GALK2: variants seen among roughly 807,000 people sequenced by gnomAD.
The protein encoded by GALK2 is N-acetylgalactosamine kinase.
A neutral mutation model predicts 52.4 loss-of-function variants in GALK2; 36 were observed. The ratio of observed to expected loss-of-function variants is 0.69; its 90% CI spans 0.53 to 0.91. The LOEUF is 0.91. Among genes scored for constraint, GALK2 ranks in the 40% least tolerant of loss-of-function variants. The pLI is 0.00. For missense variants in GALK2, 579 were observed against 559.1 expected (o/e 1.04, Z -0.36); for synonymous variants, 176 against 199.1 (o/e 0.88, Z 0.98).
chr15:49,269,550 C>T (rs923520266), intron 5 of GALK2, among the ~76,000 whole-genome samples: 1 of 152,200 alleles, frequency 6.6e-6, no homozygotes, highest in African/African-American at 2.4e-5. Flanking sequence ...AGCATTTCTA[C>T]ATACATTTTC....
At chr15:49,353,090 C>T (rs754418295) in intron 3 of GALK2, among the ~76,000 whole-genome samples, 12 of 152,090 alleles carry the variant, frequency 7.9e-5, no homozygotes, top group Non-Finnish European at 1.6e-4. Context: ...GAAATGAGAA[C>T]GTCATCATTT....
At chr15:49,353,032 T>A (rs1434966608) in intron 3 of GALK2, among the ~76,000 whole-genome samples, 1 of 152,218 alleles carries the variant, frequency 6.6e-6, no homozygotes, top group Non-Finnish European at 1.5e-5. Flanking sequence ...CTAAGCATTC[T>A]TTCTCTTAGT....
intron 1 of GALK2, chr15:49,198,773 T>A (rs979689655): frequency 1.3e-5 from 2 of 152,106 alleles, no homozygotes; most frequent in Admixed American, 1.3e-4. Context: ...ATCTTAGTTT[T>A]GGTGGCTCCC....
chr15:49,248,629 T>A (rs1224265855), intron 5 of GALK2, among the ~76,000 whole-genome samples: 7 of 152,178 alleles, frequency 4.6e-5, no homozygotes, highest in African/African-American at 7.2e-5. Flanking sequence ...ATTCACGTAG[T>A]TTTGTCAATT....
chr15:49,292,276 C>T, intron 7 of GALK2, 51 bp from the exon 8 acceptor site: 1 of 1,497,372 alleles, frequency 6.7e-7, no homozygotes, highest in East Asian at 2.3e-5. Flanking sequence ...TAAAATAGTA[C>T]ACATCAAATT....
At chr15:49,202,313 C>A (rs2087852151) in intron 2 of GALK2, among the ~76,000 whole-genome samples, 1 of 152,114 alleles carries the variant, frequency 6.6e-6, no homozygotes, top group Non-Finnish European at 1.5e-5. Context: ...CCTCTTGTGT[C>A]TGTTAACTGA....
chr15:49,346,145 A>G (rs1337746691), intron 3 of GALK2, among the ~76,000 whole-genome samples: 1 of 151,532 alleles, frequency 6.6e-6, no homozygotes, highest in Non-Finnish European at 1.5e-5. Flanking sequence ...TACCATCCAT[A>G]GTTCACCAAA....
intron 1 of GALK2, chr15:49,156,069 G>T: frequency 6.3e-7 from 1 of 1,585,608 alleles, no homozygotes; most frequent in Non-Finnish European, 8.7e-7. Flanking sequence ...CATTGCGGTG[G>T]GTGTTCCTAA....
intron 1 of GALK2, among the ~76,000 whole-genome samples, chr15:49,161,310 C>T (rs1171516714): frequency 6.6e-6 from 1 of 152,182 alleles, no homozygotes; most frequent in East Asian, 1.9e-4. Flanking sequence ...AAAAGGTCTT[C>T]ACTGTGCTGA....
chr15:49,172,019 C>T (rs1376959535), intron 1 of GALK2, among the ~76,000 whole-genome samples: 1 of 152,128 alleles, frequency 6.6e-6, no homozygotes, highest in Non-Finnish European at 1.5e-5. Flanking sequence ...GTGATCCGCC[C>T]GTCTCAGCCT....
chr15:49,166,667 G>A (rs1364205474), upstream of GALK2, among the ~76,000 whole-genome samples: 4 of 152,058 alleles, frequency 2.6e-5, no homozygotes, highest in East Asian at 1.9e-4. Context: ...CCGAGATCGC[G>A]CCATTGCACT....
At chr15:49,220,877 T>A (rs2141401304) in intron 3 of GALK2, among the ~76,000 whole-genome samples, 1 of 152,306 alleles carries the variant, frequency 6.6e-6, no homozygotes, top group Non-Finnish European at 1.5e-5. Flanking sequence ...TTTGTATGTA[T>A]GTCTTTGGAA....
chr15:49,312,630 A>G (rs907651211), intron 8 of GALK2, among the ~76,000 whole-genome samples: 1 of 152,144 alleles, frequency 6.6e-6, no homozygotes, highest in Non-Finnish European at 1.5e-5. Context: ...CCTCTTTTGT[A>G]TACCTATATA....
rs559198847 is a variant in GALK2, at chr15:49,346,092, G to GCTGC, written c.427-21398_427-21395dup. Among the ~76,000 whole-genome samples, 139 of 149,786 alleles carry GCTGC rather than the reference G, an allele frequency of 9.3e-4. 5 individuals carry two copies. The South Asian group carries it at 0.028, about 30-fold the overall frequency. ...CTTTTTCCATGAAGCTGAAAGCCAT[G>GCTGC]CTGCTGAACACGAAACTTAACCTTT... On this transcript the variant is annotated intron_variant, in intron 3 of 3. Transcript: ENST00000558399.
intron 1 of GALK2, chr15:49,156,065 G>T: frequency 6.3e-7 from 1 of 1,586,444 alleles, no homozygotes; most frequent in Non-Finnish European, 8.7e-7. Context: ...CACACATTGC[G>T]GTGGGTGTTC....
In GALK2 at chr15:49,331,626, AC is replaced by A; in HGVS notation, c.*3468del. ...CTAAATATGTAAAACAGATTTTCTTACATGTGCATGTAGATGATTAAGTAAC... is the reference window on the plus strand; with the variant it reads ...CTAAATATGTAAAACAGATTTTCTTAATGTGCATGTAGATGATTAAGTAAC... On this transcript the variant is annotated 3_prime_UTR_variant, in exon 10 of 10. Coordinates refer to ENST00000560031, the MANE Select transcript of GALK2 (RefSeq NM_002044.4). 1.7e-6 allele frequency: 1 copy of A among 577,890 alleles called. No homozygotes were observed. Among genetic ancestry groups the A allele is most frequent in the Non-Finnish European group, 3.1e-6 (1 of 324,784 alleles). 35.8% of individuals were successfully genotyped at this position (577,890 alleles called of 1,614,324 possible). A position where few individuals can be genotyped will look rare whatever the true frequency, so the allele number is the denominator to read the frequency against.
intron 3 of GALK2, among the ~76,000 whole-genome samples, chr15:49,231,962 C>T (rs2090526095): frequency 6.6e-6 from 1 of 152,212 alleles, no homozygotes; most frequent in Non-Finnish European, 1.5e-5. Context: ...GTTGATCTAC[C>T]ATTCTGCAGT....
intron 7 of GALK2, among the ~76,000 whole-genome samples, chr15:49,284,866 A>G (rs534234857): frequency 2.6e-5 from 4 of 152,122 alleles, no homozygotes; most frequent in Admixed American, 1.3e-4. Context: ...GCTGCAGGGA[A>G]CTCACTCCAT....
rs1301589926 is a variant in GALK2 at position 49,255,483 on chromosome 15, T to C, written c.504+16116T>C. Among the ~76,000 whole-genome samples, 3 of 143,440 alleles carry C rather than the reference T, an allele frequency of 2.1e-5. 1 individual carries two copies. Among genetic ancestry groups the C allele is most frequent in the Non-Finnish European group, 3.1e-5 (2 of 63,924 alleles). 94.1% of individuals were successfully genotyped at this position (143,440 alleles called of 152,430 possible). ...AAGCGTCCAGGCCAAATTTTTTTGTTCAAATTTCCTGAATTTGGATTTGTC... is the reference window on the plus strand; with the variant it reads ...AAGCGTCCAGGCCAAATTTTTTTGTCCAAATTTCCTGAATTTGGATTTGTC... On this transcript the variant is annotated intron_variant, in intron 5 of 9. Coordinates refer to ENST00000560031, the MANE Select transcript of GALK2 (RefSeq NM_002044.4).
Sources: gnomAD v4.1 joint callset for allele counts (sites outside exome capture counted in the v4.1 genomes callset) on GRCh38, gnomAD v4.1.1 for gene constraint, MANE v1.5 for transcripts, NCBI Gene and HGNC (gene_info 2026-07-23, HGNC 2026-07-21) for gene names.